USH2A: variants seen among roughly 807,000 people sequenced by gnomAD.
USH2A encodes the protein usherin, also known as Usher syndrome 2A (autosomal recessive, mild).
Under a neutral mutation model 538.9 loss-of-function variants are expected in USH2A, and 443 were observed. The observed-to-expected ratio is 0.82, with a 90% CI of 0.76 to 0.89. USH2A has a LOEUF of 0.89. USH2A is among the 40% of genes least tolerant of loss of function. USH2A has a pLI of 0.00. For missense variants in USH2A, 6,633 were observed against 6,324.8 expected, an observed-to-expected ratio of 1.05 and a Z score of -1.65; for synonymous variants, 2,413 against 2,273.5, an observed-to-expected ratio of 1.06 and a Z score of -1.75.
At chr1:215,756,404 A>T (rs115495197) in intron 58 of USH2A, among the ~76,000 whole-genome samples, 2,343 of 152,318 alleles carry the variant, frequency 0.015, 36 homozygotes, top group Middle Eastern at 0.031. Context: ...TATTTTGATA[A>T]ACCATGGGAC....
At chr1:216,155,606 C>T (rs1163725919) in intron 21 of USH2A, among the ~76,000 whole-genome samples, 1 of 152,130 alleles carries the variant, frequency 6.6e-6, no homozygotes, top group African/African-American at 2.4e-5. Flanking sequence ...ACTAAATTAT[C>T]CATAAAAATC....
At chr1:215,720,023 A>T (rs1247987181) in intron 61 of USH2A, among the ~76,000 whole-genome samples, 1 of 152,204 alleles carries the variant, frequency 6.6e-6, no homozygotes, top group African/African-American at 2.4e-5. Flanking sequence ...TGTATTGGAG[A>T]ATAATGAGTA....
At chr1:216,048,727 G>T (rs1440942356) in intron 30 of USH2A, 80 bp from the exon 31 acceptor site, 1 of 1,154,818 alleles carries the variant, frequency 8.7e-7, no homozygotes, top group African/African-American at 1.5e-5. Context: ...ATCTGTGTGT[G>T]TGTCTATAAG....
chr1:215,889,207 G>A (rs1665146136), intron 40 of USH2A, among the ~76,000 whole-genome samples, 153 bp from the exon 41 acceptor site: 1 of 152,116 alleles, frequency 6.6e-6, no homozygotes, highest in African/African-American at 2.4e-5. Context: ...TAAAGACAAG[G>A]ACTGTGATTG....
In USH2A at chr1:216,231,943, A is replaced by G. The variant is rs767347172; in HGVS notation, c.2993+10T>C. On this transcript the variant is annotated intron_variant, in intron 14 of 71. Transcript: ENST00000307340. Reference sequence around the variant, plus strand: ...AAAGAGTTAAATTATTAAAGCTTATAAAGATGTACCTTCCAGTCTGAGGAT... The same window carrying G: ...AAAGAGTTAAATTATTAAAGCTTATGAAGATGTACCTTCCAGTCTGAGGAT... 1.8e-5 allele frequency: 29 copies of G among 1,613,830 alleles called. No individual in the cohort carries two copies. The highest frequency in any genetic ancestry group is 2.4e-5 in the Non-Finnish European group (28 of 1,179,828).
At chr1:215,996,985 T>G (rs1044532524) in intron 34 of USH2A, among the ~76,000 whole-genome samples, 1 of 152,140 alleles carries the variant, frequency 6.6e-6, no homozygotes, top group Admixed American at 6.6e-5. Context: ...TTAGTCGACA[T>G]GCTAAAATGA....
chr1:215,625,529 C>T lies in USH2A; in HGVS notation c.*252G>A. On this transcript the variant is annotated 3_prime_UTR_variant, in exon 72 of 72. Coordinates refer to ENST00000307340, the MANE Select transcript of USH2A (RefSeq NM_206933.4). ...AGAACCAAGTGACAATTACATACTT[C>T]TTTGTCTTCTACAAAATAAGAGCAA... The T allele has an allele frequency of 3.8e-6, 2 of 526,520 alleles. No individual in the cohort carries two copies. Among genetic ancestry groups the T allele is most frequent in the South Asian group, 4.2e-5 (2 of 47,640 alleles). 32.6% of individuals were successfully genotyped at this position (526,520 alleles called of 1,614,324 possible).
intron 61 of USH2A, among the ~76,000 whole-genome samples, chr1:215,726,623 T>G (rs1424163994): frequency 6.6e-6 from 1 of 152,124 alleles, no homozygotes; most frequent in Non-Finnish European, 1.5e-5. Flanking sequence ...AGAAACATAG[T>G]TTTTTGGTTT....
intron 21 of USH2A, among the ~76,000 whole-genome samples, chr1:216,164,630 T>C (rs1407890825): frequency 6.6e-6 from 1 of 152,090 alleles, no homozygotes; most frequent in East Asian, 1.9e-4. Flanking sequence ...TGTATGCTTC[T>C]AGTGGAAGAA....
chr1:216,291,905 G>A (rs995687515), intron 10 of USH2A, among the ~76,000 whole-genome samples: 2 of 152,102 alleles, frequency 1.3e-5, no homozygotes, highest in African/African-American at 4.8e-5. Context: ...GTCAAATGGT[G>A]TGAACTCTTT....
chr1:215,732,464 C>T (rs1660024676), intron 60 of USH2A, among the ~76,000 whole-genome samples: 1 of 151,200 alleles, frequency 6.6e-6, no homozygotes, highest in African/African-American at 2.4e-5. Context: ...CATTATATTT[C>T]ACGGTTCCAT....
chr1:216,174,754 G>A, intron 21 of USH2A: 1 of 995,492 alleles, frequency 1.0e-6, no homozygotes, highest in Non-Finnish European at 1.2e-6. Flanking sequence ...GTGAAAAAAA[G>A]AAGAAGGAAA....
At chr1:216,176,600 G>A (rs1414354815) in intron 20 of USH2A, among the ~76,000 whole-genome samples, 2 of 152,054 alleles carry the variant, frequency 1.3e-5, no homozygotes, top group Non-Finnish European at 2.9e-5. Context: ...GGGCTCACAC[G>A]TGGTGTTTAC....
intron 21 of USH2A, among the ~76,000 whole-genome samples, chr1:216,155,594 C>T (rs932321675): frequency 2.0e-5 from 3 of 152,086 alleles, no homozygotes; most frequent in East Asian, 3.9e-4. Context: ...GCCCCTCTGC[C>T]CACTAAATTA....
Position 215,741,484 on chromosome 1 carries a change from T to A in USH2A, c.11602A>T (p.Met3868Leu), listed in dbSNP as rs35309576. 25 of 1,613,670 alleles carry A rather than the reference T, an allele frequency of 1.5e-5. No individual in the cohort carries two copies. Among genetic ancestry groups the A allele is most frequent in the Non-Finnish European group, 2.1e-5 (25 of 1,179,944 alleles). Residue 3868 changes from methionine to leucine, a missense_variant, in exon 60 of 72, where the codon ATG becomes TTG. Coordinates refer to ENST00000307340, the MANE Select transcript of USH2A (RefSeq NM_206933.4). ...MFVKTPEAAP[M>L]DLNSPVLKAL... ...TTAAGAACAGGAGAATTAAGATCCA[T>A]TGGGGCTGCTTCAGGTGTTTTGACA...
intron 14 of USH2A, among the ~76,000 whole-genome samples, chr1:216,225,091 A>G (rs913649724): frequency 7.2e-5 from 11 of 152,114 alleles, no homozygotes; most frequent in African/African-American, 2.7e-4. Flanking sequence ...ATCTGTATAT[A>G]TTTACATTAC....
At chr1:216,235,084 A>G (rs952100808) in intron 13 of USH2A, among the ~76,000 whole-genome samples, 94 of 152,094 alleles carry the variant, frequency 6.2e-4, no homozygotes, top group African/African-American at 2.2e-3. Context: ...CTTAAAGATT[A>G]CCTCTTGCCT....
intron 13 of USH2A, among the ~76,000 whole-genome samples, chr1:216,243,041 A>T (rs1275884544): frequency 6.6e-6 from 1 of 152,184 alleles, no homozygotes; most frequent in Non-Finnish European, 1.5e-5. Context: ...GTTCAACAAA[A>T]TATAATAATC....
intron 44 of USH2A, among the ~76,000 whole-genome samples, chr1:215,859,799 G>C (rs941081757): frequency 6.6e-6 from 1 of 152,190 alleles, no homozygotes; most frequent in East Asian, 1.9e-4. Flanking sequence ...GCAACAGCAA[G>C]TAGATTGTGC....
Sources: gnomAD v4.1 joint callset for allele counts (sites outside exome capture counted in the v4.1 genomes callset) on GRCh38, gnomAD v4.1.1 for gene constraint, MANE v1.5 for transcripts, NCBI Gene and HGNC (gene_info 2026-07-23, HGNC 2026-07-21) for gene names.